Variants in TRPC6 observed in about 807,000 individuals in gnomAD.
TRPC6 encodes transient receptor potential cation channel subfamily C member 6.
Under a neutral mutation model 90.7 loss-of-function variants are expected in TRPC6, and 55 were observed. The ratio of observed to expected loss-of-function variants is 0.61; its 90% confidence interval spans 0.49 to 0.76. The LOEUF (loss-of-function observed/expected upper bound fraction) is 0.76, where lower values mean the gene tolerates loss of function less well. Ranked by LOEUF, TRPC6 falls within the 30% of genes least tolerant of loss-of-function variation. The pLI is 0.00. For missense variants in TRPC6, 989 were observed against 1,122.7 expected (o/e 0.88, Z 1.70); for synonymous variants, 393 against 393.0 (o/e 1.00, Z 0.00).
At chr11:101,458,118 A>G (rs1303955160) in intron 10 of TRPC6, among the ~76,000 whole-genome samples, 1 of 152,176 alleles carries the variant, frequency 6.6e-6, no homozygotes, top group African/African-American at 2.4e-5. Flanking sequence ...TTTATATTAA[A>G]GTTATTATAC....
At chr11:101,572,348 G>A (rs1204207605) in intron 1 of TRPC6, among the ~76,000 whole-genome samples, 1 of 152,130 alleles carries the variant, frequency 6.6e-6, no homozygotes, top group Non-Finnish European at 1.5e-5. Context: ...TCATTAAAAA[G>A]TCTGGAAACA....
chr11:101,543,439 G>A (rs1347160420), intron 1 of TRPC6, among the ~76,000 whole-genome samples: 2 of 152,058 alleles, frequency 1.3e-5, no homozygotes, highest in Admixed American at 1.3e-4. Context: ...AAAGAACAAA[G>A]CTGGAGGCAT....
At chr11:101,496,057 G>C (rs574592563) in intron 2 of TRPC6, among the ~76,000 whole-genome samples, 5 of 151,268 alleles carry the variant, frequency 3.3e-5, no homozygotes, top group Admixed American at 2.6e-4. Context: ...GGGGAAGCAA[G>C]CACCTTCTCC....
At chr11:101,455,234 G>T in intron 10 of TRPC6, 133 bp from the exon 11 acceptor site, 1 of 728,312 alleles carries the variant, frequency 1.4e-6, no homozygotes. Context: ...CATTTATCTT[G>T]CTTAGTATTC....
chr11:101,567,921 G>T (rs539329055), intron 1 of TRPC6, among the ~76,000 whole-genome samples: 1 of 152,264 alleles, frequency 6.6e-6, no homozygotes, highest in South Asian at 2.1e-4. Context: ...AGAAACCAGC[G>T]CAAAAGGCTG....
intron 2 of TRPC6, among the ~76,000 whole-genome samples, chr11:101,496,887 C>A (rs931759864): frequency 1.3e-5 from 2 of 152,206 alleles, no homozygotes; most frequent in African/African-American, 2.4e-5. Context: ...CAAGAACACA[C>A]ATACACATAC....
At chr11:101,556,991 T>C (rs946553260) in intron 1 of TRPC6, among the ~76,000 whole-genome samples, 2 of 152,194 alleles carry the variant, frequency 1.3e-5, no homozygotes, top group African/African-American at 4.8e-5. Context: ...AGGAAAAGCA[T>C]TTGACAAAAT....
intron 2 of TRPC6, among the ~76,000 whole-genome samples, chr11:101,495,182 T>C (rs1438616422): frequency 2.0e-5 from 3 of 152,210 alleles, no homozygotes; most frequent in African/African-American, 7.2e-5. Context: ...TAACTCACAG[T>C]GGGCTAATGA....
At chr11:101,455,237 T>A in intron 10 of TRPC6, 136 bp from the exon 11 acceptor site, 1 of 715,542 alleles carries the variant, frequency 1.4e-6, no homozygotes, top group Non-Finnish European at 2.4e-6. Flanking sequence ...TTATCTTGCT[T>A]AGTATTCTGT....
chr11:101,455,264 G>C (rs1565442170), intron 10 of TRPC6, 163 bp from the exon 11 acceptor site: 1 of 622,160 alleles, frequency 1.6e-6, no homozygotes, highest in Non-Finnish European at 2.8e-6. Flanking sequence ...AGACAAATCA[G>C]TGACATTTTA....
chr11:101,563,803 G>T (rs187901074), intron 1 of TRPC6, among the ~76,000 whole-genome samples: 1 of 152,280 alleles, frequency 6.6e-6, no homozygotes, highest in East Asian at 1.9e-4. Flanking sequence ...TAAAGCCAAG[G>T]TGAGGGCAGT....
intron 1 of TRPC6, among the ~76,000 whole-genome samples, chr11:101,533,318 C>T (rs914675109): frequency 3.3e-5 from 5 of 152,024 alleles, no homozygotes; most frequent in South Asian, 4.2e-4. Context: ...GAAGGCAAAG[C>T]GGAAACAGGC....
chr11:101,582,391 G>A (rs1464531041), intron 1 of TRPC6, among the ~76,000 whole-genome samples: 7 of 152,192 alleles, frequency 4.6e-5, no homozygotes, highest in African/African-American at 1.7e-4. Context: ...ACCGCTTGCG[G>A]GTGGATGTGA....
chr11:101,472,014 G>A, intron 8 of TRPC6, 123 bp downstream of exon 8: 1 of 1,007,094 alleles, frequency 9.9e-7, no homozygotes, highest in East Asian at 2.4e-5. Flanking sequence ...TCAAACGAGT[G>A]TATAAAACAG....
At chr11:101,535,174 G>C (rs539539875) in intron 1 of TRPC6, among the ~76,000 whole-genome samples, 1 of 100,692 alleles carries the variant, frequency 9.9e-6, no homozygotes, top group East Asian at 3.2e-4. Context: ...AGAAAGAAAA[G>C]AAAGGAAGGA....
intron 1 of TRPC6, among the ~76,000 whole-genome samples, chr11:101,556,605 C>T (rs891938508): frequency 1.3e-5 from 2 of 152,150 alleles, no homozygotes; most frequent in Non-Finnish European, 2.9e-5. Context: ...GATGGCTTCA[C>T]AGCTGAATTC....
intron 1 of TRPC6, among the ~76,000 whole-genome samples, chr11:101,558,652 C>A (rs572571876): frequency 6.6e-6 from 1 of 152,054 alleles, no homozygotes; most frequent in Non-Finnish European, 1.5e-5. Flanking sequence ...CAGGCTCAAG[C>A]AATTCTGCCT....
intron 1 of TRPC6, among the ~76,000 whole-genome samples, chr11:101,533,126 G>A (rs1357344990): frequency 6.6e-6 from 1 of 152,162 alleles, no homozygotes; most frequent in African/African-American, 2.4e-5. Context: ...GAGGTGATCA[G>A]GGTGAAAAAG....
chr11:101,486,988 A>G (rs1591079044), intron 4 of TRPC6, among the ~76,000 whole-genome samples: 1 of 152,178 alleles, frequency 6.6e-6, no homozygotes, highest in East Asian at 1.9e-4. Flanking sequence ...TATTTGCCTC[A>G]ATGTTCATAA....
Sources: gnomAD v4.1 joint callset for allele counts (sites outside exome capture counted in the v4.1 genomes callset) on GRCh38, gnomAD v4.1.1 for gene constraint, MANE v1.5 for transcripts, NCBI Gene and HGNC (gene_info 2026-07-23, HGNC 2026-07-21) for gene names.